ANKH: variants seen among roughly 807,000 people sequenced by gnomAD.
ANKH encodes mineralization regulator ANKH.
ANKH carries 15 observed loss-of-function variants against 49.0 expected under a neutral mutation model. The ratio of observed to expected loss-of-function variants is 0.31; its 90% confidence interval spans 0.20 to 0.47. The LOEUF (loss-of-function observed/expected upper bound fraction) is 0.47. Ranked by LOEUF, ANKH falls within the 20% of genes least tolerant of loss-of-function variation. The pLI is 1.00. For synonymous variants in ANKH, 273 were observed against 260.0 expected (o/e 1.05, Z -0.48); for missense variants, 429 against 652.0 (o/e 0.66, Z 3.72).
chr5:14,786,045 CAAAAAAAAAAAAAA>C (rs71603742), intron 1 of ANKH, among the ~76,000 whole-genome samples: 4 of 67,206 alleles, frequency 6.0e-5, no homozygotes, highest in African/African-American at 1.5e-4. Flanking sequence ...GACTCTGTCT[CAAAAAAAAAAAAAA>C]AAAAAAAAAG....
intron 8 of ANKH, among the ~76,000 whole-genome samples, chr5:14,738,522 T>G (rs1213432827): frequency 2.6e-5 from 4 of 152,216 alleles, no homozygotes; most frequent in Non-Finnish European, 5.9e-5. Context: ...ACGCAGCTCC[T>G]ACTGTATACA....
chr5:14,813,409 T>A (rs1740943377), intron 1 of ANKH, among the ~76,000 whole-genome samples: 1 of 152,100 alleles, frequency 6.6e-6, no homozygotes. Context: ...GTCATCTGAA[T>A]GCCACAGAGA....
chr5:14,845,432 GGTAAGT>G (rs1455786995), intron 1 of ANKH, among the ~76,000 whole-genome samples: 1 of 151,872 alleles, frequency 6.6e-6, no homozygotes, highest in Non-Finnish European at 1.5e-5. Flanking sequence ...TAAAGAAAAT[GGTAAGT>G]GTGTTTAGAA....
At chr5:14,808,491 G>A (rs1164951966) in intron 1 of ANKH, among the ~76,000 whole-genome samples, 4 of 152,196 alleles carry the variant, frequency 2.6e-5, no homozygotes, top group Non-Finnish European at 5.9e-5. Context: ...AAGGCCAGGT[G>A]CAGTGGCTCA....
At chr5:14,738,232 TACTA>T (rs1378899730) in intron 8 of ANKH, among the ~76,000 whole-genome samples, 10 of 152,332 alleles carry the variant, frequency 6.6e-5, no homozygotes, top group East Asian at 1.9e-4. Flanking sequence ...ATGAGCCTCT[TACTA>T]ACTGTCAGCA....
In ANKH at chr5:14,736,364, G is replaced by A. The variant is rs189053598; in HGVS notation, c.1011+5463C>T. Among the ~76,000 whole-genome samples, 93 of 152,276 alleles carry A rather than the reference G, an allele frequency of 6.1e-4. 1 individual carries two copies. The East Asian group carries it at 0.016, about 27-fold the overall frequency. On this transcript the variant is annotated intron_variant, in intron 8 of 11. Coordinates refer to ENST00000284268, the MANE Select transcript of ANKH (RefSeq NM_054027.6). Reference sequence around the variant, plus strand: ...ATCCACACCTGCCATCTTGAAACAGGTCAGCTCGCCAAAAATCAACCGGTG... The same window carrying A: ...ATCCACACCTGCCATCTTGAAACAGATCAGCTCGCCAAAAATCAACCGGTG...
chr5:14,720,664 G>A (rs936748846), intron 8 of ANKH, among the ~76,000 whole-genome samples: 1 of 152,176 alleles, frequency 6.6e-6, no homozygotes, highest in Non-Finnish European at 1.5e-5. Flanking sequence ...AGAACCTACA[G>A]GAAGTAAGCC....
At position 14,713,066 on chromosome 5, in the gene ANKH, G is replaced by A. The variant is rs142071795; in HGVS notation, c.1266-93C>T. 11 of 1,195,868 alleles carry A rather than the reference G, an allele frequency of 9.2e-6. No individual in the cohort carries two copies. The highest frequency in any genetic ancestry group is 3.9e-5 in the South Asian group (3 of 76,938). The allele number at this position is 1,195,868 out of a possible 1,614,324, so 74.1% of individuals were successfully genotyped here. ...AACCCAGGAAAGTAAGTGTAGCCTCGAGACGGCTGAGACCAGCGGCGTTCT... is the reference window on the plus strand; with the variant it reads ...AACCCAGGAAAGTAAGTGTAGCCTCAAGACGGCTGAGACCAGCGGCGTTCT... On this transcript the variant is annotated intron_variant, in intron 10 of 11. Transcript: ENST00000284268. The surrounding 1 kb of genome is among the most constrained non-coding windows in gnomAD (Gnocchi z 4.4).
chr5:14,756,285 C>T (rs987498434), intron 3 of ANKH, among the ~76,000 whole-genome samples: 1 of 152,160 alleles, frequency 6.6e-6, no homozygotes, highest in African/African-American at 2.4e-5. Context: ...CGTCTCAGTC[C>T]CAAAGTAGCA....
chr5:14,717,627 C>T (rs770545950), intron 8 of ANKH, among the ~76,000 whole-genome samples: 7 of 152,158 alleles, frequency 4.6e-5, no homozygotes, highest in African/African-American at 1.7e-4. Flanking sequence ...TACATCTCCC[C>T]GAATTTGACA....
chr5:14,764,670 G>A (rs192612607), intron 2 of ANKH, among the ~76,000 whole-genome samples: 116 of 152,302 alleles, frequency 7.6e-4, no homozygotes, highest in Non-Finnish European at 3.7e-4. Flanking sequence ...CTGTCTGTTC[G>A]CTCCCAGCAC....
chr5:14,775,009 A>T (rs866074373), intron 1 of ANKH, among the ~76,000 whole-genome samples: 1 of 152,030 alleles, frequency 6.6e-6, no homozygotes, highest in South Asian at 2.1e-4. Flanking sequence ...ATAGTACCCA[A>T]CTCTATATAT....
chr5:14,793,403 G>A (rs1226538206), intron 1 of ANKH, among the ~76,000 whole-genome samples: 1 of 151,966 alleles, frequency 6.6e-6, no homozygotes, highest in Admixed American at 6.6e-5. Context: ...GTAGCTCTTG[G>A]GTATTTCTCT....
intron 1 of ANKH, among the ~76,000 whole-genome samples, chr5:14,835,732 T>C (rs559933769): frequency 1.1e-3 from 164 of 152,146 alleles, no homozygotes; most frequent in African/African-American, 3.6e-3. Flanking sequence ...TTCCAATCAA[T>C]AGAAAAAGAT....
At chr5:14,752,488 T>G (rs1191527945) in intron 4 of ANKH, among the ~76,000 whole-genome samples, 3 of 152,178 alleles carry the variant, frequency 2.0e-5, no homozygotes, top group African/African-American at 7.2e-5. Context: ...TAAATCAAGC[T>G]TAACTGTATT....
At chr5:14,750,637 A>G (rs1158842923) in intron 5 of ANKH, among the ~76,000 whole-genome samples, 1 of 152,212 alleles carries the variant, frequency 6.6e-6, no homozygotes, top group African/African-American at 2.4e-5. Context: ...GCACCTGAAT[A>G]AGGGACTGGG....
At chr5:14,718,887 A>G (rs1457592223) in intron 8 of ANKH, among the ~76,000 whole-genome samples, 1 of 149,126 alleles carries the variant, frequency 6.7e-6, no homozygotes, top group East Asian at 2.0e-4. Context: ...GAAAATTCAC[A>G]AGTTAGCAGT....
rs562476547 is a variant in ANKH, at chr5:14,739,273, CG to C, written c.1011+2553del. On this transcript the variant is annotated intron_variant, in intron 8 of 11. Transcript: ENST00000284268. Reference sequence around the variant, plus strand: ...CTCTACTAAAAACACAAAAATCAGCCGGGTGTGGTGGCGGGTGCTTGTAATC... The same window carrying C: ...CTCTACTAAAAACACAAAAATCAGCCGGTGTGGTGGCGGGTGCTTGTAATC... Among the ~76,000 whole-genome samples the C allele has an allele frequency of 1.7e-3, 255 of 152,084 alleles. 1 individual carries two copies. The highest frequency in any genetic ancestry group is 5.8e-3 in the African/African-American group (239 of 41,484).
intron 1 of ANKH, among the ~76,000 whole-genome samples, chr5:14,809,491 G>A (rs1740814795): frequency 6.6e-6 from 1 of 152,120 alleles, no homozygotes; most frequent in Non-Finnish European, 1.5e-5. Flanking sequence ...CCAGGAAGGT[G>A]CTGCAGTGAG....
Sources: allele counts gnomAD v4.1 joint callset (sites outside exome capture counted in the v4.1 genomes callset), GRCh38; gene constraint gnomAD v4.1.1; non-coding constraint Gnocchi (gnomAD v3.1); transcripts MANE v1.5; gene names NCBI Gene and HGNC (gene_info 2026-07-23, HGNC 2026-07-21).